Variants in SLC35F4 observed in about 807,000 individuals in gnomAD.
SLC35F4 encodes the protein solute carrier family 35 member F4.
In SLC35F4, 24 loss-of-function variants were observed where a neutral mutation model predicts 44.2. That is an observed-to-expected ratio of 0.54 (90% CI 0.39 to 0.76). The LOEUF (loss-of-function observed/expected upper bound fraction) is 0.76, where lower values mean the gene tolerates loss of function less well. Ranked by LOEUF, SLC35F4 falls within the 30% of genes least tolerant of loss-of-function variation. SLC35F4 has a pLI of 0.00. For missense variants in SLC35F4, 562 were observed against 586.1 expected, an observed-to-expected ratio of 0.96 and a Z score of 0.42; for synonymous variants, 238 against 223.6, an observed-to-expected ratio of 1.06 and a Z score of -0.57.
chr14:57,823,006 C>G (rs1883337909), intron 1 of SLC35F4, among the ~76,000 whole-genome samples: 1 of 152,154 alleles, frequency 6.6e-6, no homozygotes, highest in Admixed American at 6.5e-5. Flanking sequence ...TCTGGGGGAA[C>G]TCCAGGCTCA....
At chr14:57,749,486 A>G (rs2076833771) in intron 1 of SLC35F4, among the ~76,000 whole-genome samples, 1 of 152,108 alleles carries the variant, frequency 6.6e-6, no homozygotes, top group Non-Finnish European at 1.5e-5. Context: ...CTGATCATAC[A>G]CAGCAGTACC....
intron 1 of SLC35F4, among the ~76,000 whole-genome samples, chr14:57,663,589 C>T (rs150832590): frequency 7.9e-5 from 12 of 152,198 alleles, no homozygotes; most frequent in Admixed American, 5.2e-4. Context: ...TTGCACACAT[C>T]TGATACCTCG....
chr14:57,753,878 A>G (rs1426394660), intron 1 of SLC35F4, among the ~76,000 whole-genome samples: 1 of 152,044 alleles, frequency 6.6e-6, no homozygotes, highest in Non-Finnish European at 1.5e-5. Flanking sequence ...GGTGGGAGGT[A>G]TCTGTACCAG....
intron 1 of SLC35F4, among the ~76,000 whole-genome samples, chr14:57,677,500 T>C (rs751637478): frequency 1.3e-5 from 2 of 152,060 alleles, no homozygotes; most frequent in Non-Finnish European, 2.9e-5. Context: ...CTCTAGATGG[T>C]GTGTATATAG....
rs150298944 is a variant in SLC35F4 at position 57,609,898 on chromosome 14, T to C, written c.104-15774A>G. Among the ~76,000 whole-genome samples, 31 of 152,300 alleles carry C rather than the reference T, an allele frequency of 2.0e-4. No homozygotes were observed. The East Asian group carries it at 5.8e-3, about 28-fold the overall frequency. ...ATTTCGTGGATGACTGGCTGCCATG[T>C]GTTCCTAGCCTCCAGGAAACTGGCT... On this transcript the variant is annotated intron_variant, in intron 1 of 7. Coordinates refer to ENST00000556826, the MANE Select transcript of SLC35F4 (RefSeq NM_001306087.2).
At chr14:57,965,691 G>A (rs1163486359) in intron 1 of SLC35F4, among the ~76,000 whole-genome samples, 1 of 152,182 alleles carries the variant, frequency 6.6e-6, no homozygotes, top group Non-Finnish European at 1.5e-5. Flanking sequence ...TCAAAAACAG[G>A]TCATCTTATT....
chr14:57,608,509 G>T (rs1449621682), intron 1 of SLC35F4, among the ~76,000 whole-genome samples: 1 of 152,130 alleles, frequency 6.6e-6, no homozygotes, highest in East Asian at 1.9e-4. Flanking sequence ...GGAACAGACT[G>T]CCTCCCACAG....
At chr14:57,963,577 C>T (rs941362479) in intron 1 of SLC35F4, among the ~76,000 whole-genome samples, 3 of 152,126 alleles carry the variant, frequency 2.0e-5, no homozygotes, top group Non-Finnish European at 4.4e-5. Flanking sequence ...TGGAGTCGGT[C>T]AGCCTATCAG....
At chr14:57,864,442 T>A (rs1451047358) in intron 1 of SLC35F4, among the ~76,000 whole-genome samples, 1 of 152,216 alleles carries the variant, frequency 6.6e-6, no homozygotes, top group South Asian at 2.1e-4. Context: ...CCAAATCAGA[T>A]AGGCCTTTCC....
chr14:57,855,573 G>A lies in SLC35F4; in HGVS notation c.103+10150C>T, dbSNP rs192766039. 2.7e-3 allele frequency among the ~76,000 whole-genome samples: 416 copies of A among 152,292 alleles called. 3 individuals are homozygous for A. Among genetic ancestry groups the A allele is most frequent in the Non-Finnish European group, 2.6e-3 (175 of 68,016 alleles). On this transcript the variant is annotated intron_variant, in intron 1 of 7. Coordinates refer to ENST00000556826, the MANE Select transcript of SLC35F4 (RefSeq NM_001306087.2). ...GGAGAGGATCTGGAGAAATAGGAAT[G>A]CTTTTACACTGTTAGTGGGAGTGTA... is the stretch of plus-strand genomic sequence containing the variant.
At chr14:57,976,428 T>C (rs1220975972), downstream of SLC35F4, among the ~76,000 whole-genome samples, 1 of 152,204 alleles carries the variant, frequency 6.6e-6, no homozygotes, top group East Asian at 1.9e-4. Flanking sequence ...TATGAAGTAA[T>C]AAGAGTCATT....
chr14:57,924,334 T>A (rs1308380201), intron 1 of SLC35F4, among the ~76,000 whole-genome samples: 3 of 152,144 alleles, frequency 2.0e-5, no homozygotes, highest in African/African-American at 7.2e-5. Flanking sequence ...GGTGACAGCT[T>A]GTCTACTCAT....
intron 1 of SLC35F4, among the ~76,000 whole-genome samples, chr14:57,612,251 TAA>T (rs202129645): frequency 2.7e-5 from 4 of 148,182 alleles, no homozygotes; most frequent in African/African-American, 5.0e-5. Flanking sequence ...ATCCCGTCTC[TAA>T]AAAAAAAAGT....
intron 1 of SLC35F4, among the ~76,000 whole-genome samples, chr14:57,886,921 A>C (rs973382264): frequency 2.6e-5 from 4 of 152,226 alleles, no homozygotes; most frequent in Non-Finnish European, 5.9e-5. Flanking sequence ...AGGGAGCCTG[A>C]AAAACATCCC....
intron 1 of SLC35F4, among the ~76,000 whole-genome samples, chr14:57,859,348 A>C (rs1296762019): frequency 6.6e-6 from 1 of 152,190 alleles, no homozygotes; most frequent in African/African-American, 2.4e-5. Flanking sequence ...CCATGGGCAT[A>C]AAAAAGACTG....
intron 1 of SLC35F4, among the ~76,000 whole-genome samples, chr14:57,773,787 T>C (rs959740258): frequency 2.0e-5 from 3 of 152,160 alleles, no homozygotes; most frequent in African/African-American, 7.2e-5. Flanking sequence ...CACTTCCATG[T>C]CATCCCCAGA....
At chr14:57,695,714 A>C (rs1395310967) in intron 1 of SLC35F4, among the ~76,000 whole-genome samples, 1 of 152,218 alleles carries the variant, frequency 6.6e-6, no homozygotes, top group Non-Finnish European at 1.5e-5. Context: ...ATAAAGACAC[A>C]TGCACACGCA....
intron 1 of SLC35F4, among the ~76,000 whole-genome samples, chr14:57,702,448 G>A (rs2140370115): frequency 6.6e-6 from 1 of 151,648 alleles, no homozygotes; most frequent in South Asian, 2.1e-4. Flanking sequence ...TTACAGTTGT[G>A]ACTTGATATG....
At chr14:57,795,289 C>T (rs1951004) in intron 1 of SLC35F4, among the ~76,000 whole-genome samples, 75,981 of 152,014 alleles carry the variant, frequency 0.5, 22,364 homozygotes, top group African/African-American at 0.81. Context: ...AGTTTTTGTT[C>T]TGTCTATGAC....
Sources: gnomAD v4.1 joint callset for allele counts (sites outside exome capture counted in the v4.1 genomes callset) on GRCh38, gnomAD v4.1.1 for gene constraint, MANE v1.5 for transcripts, NCBI Gene and HGNC (gene_info 2026-07-23, HGNC 2026-07-21) for gene names.